SAYSD1: variants seen among roughly 807,000 people sequenced by gnomAD.
SAYSD1 encodes the protein SAYSvFN domain-containing protein 1.
In SAYSD1, 15 loss-of-function variants were observed where a neutral mutation model predicts 14.5. The observed-to-expected ratio is 1.03, with a 90% CI of 0.69 to 1.59. SAYSD1 has a LOEUF of 1.59. Ranked by LOEUF, SAYSD1 falls within the 40% of genes most tolerant of loss-of-function variation. The probability of loss-of-function intolerance (pLI) is 0.00; values close to 1 mark genes in which losing one functional copy is unlikely to be tolerated. For missense variants in SAYSD1, 247 were observed against 227.3 expected, an observed-to-expected ratio of 1.09 and a Z score of -0.56; for synonymous variants, 105 against 102.6, an observed-to-expected ratio of 1.02 and a Z score of -0.14.
At chr6:39,109,563 T>G (rs966415571) in intron 1 of SAYSD1, 1 of 1,426,306 alleles carries the variant, frequency 7.0e-7, no homozygotes, top group African/African-American at 1.4e-5. Flanking sequence ...GTTTAGTTAT[T>G]TTGATGGCCA....
chr6:39,114,684 C>G (rs1220557553), intron 1 of SAYSD1, among the ~76,000 whole-genome samples, 199 bp downstream of exon 1: 1 of 152,230 alleles, frequency 6.6e-6, no homozygotes, highest in Non-Finnish European at 1.5e-5. Context: ...CTGCGTGGGT[C>G]GCGGGCTGGA....
Position 39,105,374 on chromosome 6 carries a change from T to C in SAYSD1, c.*58A>G, listed in dbSNP as rs1769476305. 2 of 1,465,908 alleles carry C rather than the reference T, an allele frequency of 1.4e-6. No individual in the cohort carries two copies. Among genetic ancestry groups the C allele is most frequent in the East Asian group, 2.3e-5 (1 of 43,988 alleles). 90.8% of individuals were successfully genotyped at this position (1,465,908 alleles called of 1,614,324 possible). ...TCCTATACACCTGAAATCAAATCCA[T>C]AGCCAATGGTGAGGAAGACCACATC... is the stretch of plus-strand genomic sequence containing the variant. On this transcript the variant is annotated 3_prime_UTR_variant, in exon 2 of 2. Coordinates refer to ENST00000229903, the MANE Select transcript of SAYSD1 (RefSeq NM_018322.3).
At chr6:39,111,004 T>G (rs1477307643) in intron 1 of SAYSD1, 6 of 152,172 alleles carry the variant, frequency 3.9e-5, no homozygotes, top group Admixed American at 3.9e-4. Flanking sequence ...TGCAAAAGAT[T>G]CTGGGAGTTC....
At chr6:39,108,189 C>T (rs975718564) in intron 1 of SAYSD1, among the ~76,000 whole-genome samples, 10 of 152,108 alleles carry the variant, frequency 6.6e-5, no homozygotes, top group African/African-American at 2.2e-4. Flanking sequence ...TACTGAGAGC[C>T]TTCCAATGTA....
rs767947847 is a variant in SAYSD1 at position 39,114,910 on chromosome 6, A to T, written c.180T>A (p.Ser60Arg). ...RFLVWKPRPA[S>R]ARAQPGLVQE... is the part of the protein sequence containing the mutation. ...GAACTAGGCCGGGCTGGGCCCGGGC[A>T]CTCGCGGGCCTAGGTTTCCATACCA... Residue 60 changes from serine to arginine, a missense_variant, in exon 1 of 2, where the codon AGT (serine) becomes AGA (arginine). Ser to Arg is a moderately radical substitution (Grantham distance 110). Transcript: ENST00000229903. The T allele has an allele frequency of 9.9e-6, 16 of 1,612,534 alleles. No homozygotes were observed. The highest frequency in any genetic ancestry group is 8.8e-5 in the South Asian group (8 of 91,052).
rs183464 is a variant in SAYSD1 at position 39,105,276 on chromosome 6, T to C, written c.*156A>G. ...TTCACCAAAACTATCAAAGATCAAA[T>C]GGCAGCAAAAGATCAGGGAAAGAAG... On this transcript the variant is annotated 3_prime_UTR_variant, in exon 2 of 2. Coordinates refer to ENST00000229903, the MANE Select transcript of SAYSD1 (RefSeq NM_018322.3). 0.024 allele frequency: 15,189 copies of C among 631,464 alleles called. 406 individuals are homozygous for C. Among genetic ancestry groups the C allele is most frequent in the East Asian group, 0.1 (3,865 of 36,836 alleles). 39.1% of individuals were successfully genotyped at this position (631,464 alleles called of 1,614,324 possible). A position where few individuals can be genotyped will look rare whatever the true frequency, so the allele number is the denominator to read the frequency against.
chr6:39,105,795 CA>C lies in SAYSD1; in HGVS notation c.208-20del, dbSNP rs765977837. The C allele has an allele frequency of 1.2e-6, 2 of 1,602,776 alleles. No individual in the cohort carries two copies. The highest frequency in any genetic ancestry group is 8.5e-7 in the Non-Finnish European group (1 of 1,173,344). On this transcript the variant is annotated intron_variant, in intron 1 of 1. Transcript: ENST00000229903. ...CCGCTTCCTAGGATACACAAACAAACAAAAGAAAGAATAAAGGGTAATGGAG... is the reference window on the plus strand; with the variant it reads ...CCGCTTCCTAGGATACACAAACAAACAAAGAAAGAATAAAGGGTAATGGAG...
rs1479261632 is a variant in SAYSD1, at chr6:39,115,063, C to G, written c.27G>C (p.Arg9=). 2.5e-6 allele frequency: 4 copies of G among 1,609,548 alleles called. No individual in the cohort carries two copies. The highest frequency in any genetic ancestry group is 3.4e-6 in the Non-Finnish European group (4 of 1,179,786). Residue 9 remains arginine (R), a synonymous_variant, in exon 1 of 2, where the codon CGG becomes CGC. Transcript: ENST00000229903. ...CCAGACCCGCCCGTTTCCGCGCCGCCCGAAACTCAGCTAACCGCTGTTCCA... is the reference window on the plus strand; with the variant it reads ...CCAGACCCGCCCGTTTCCGCGCCGCGCGAAACTCAGCTAACCGCTGTTCCA... MEQRLAEF[R]AARKRAGLAA...
At chr6:39,113,498 A>G (rs1234449783) in intron 1 of SAYSD1, 1 of 152,652 alleles carries the variant, frequency 6.6e-6, no homozygotes, top group Non-Finnish European at 1.5e-5. Flanking sequence ...AATGAAAATG[A>G]GCTTAAGGCA....
intron 1 of SAYSD1, chr6:39,109,288 T>A: frequency 6.5e-7 from 1 of 1,546,950 alleles, no homozygotes; most frequent in South Asian, 1.2e-5. Flanking sequence ...AAGCAGGAGG[T>A]TTCTGTAGGA....
intron 1 of SAYSD1, chr6:39,110,724 T>C (rs141193904): frequency 1.3e-5 from 2 of 152,320 alleles, no homozygotes; most frequent in East Asian, 1.9e-4. Flanking sequence ...CAAATGTACA[T>C]GCTGTTGATA....
chr6:39,112,697 C>T (rs1334709497), intron 1 of SAYSD1: 3 of 152,326 alleles, frequency 2.0e-5, no homozygotes, highest in South Asian at 2.1e-4. Context: ...GAGAGAATAT[C>T]TCAACTACAA....
intron 1 of SAYSD1, among the ~76,000 whole-genome samples, chr6:39,114,604 A>G (rs999644239): frequency 1.2e-4 from 18 of 152,384 alleles, no homozygotes; most frequent in African/African-American, 4.3e-4. Context: ...CGATAACTCA[A>G]TTCGGAGTGA....
intron 1 of SAYSD1, among the ~76,000 whole-genome samples, chr6:39,114,282 T>C (rs907676840): frequency 6.6e-6 from 1 of 152,252 alleles, no homozygotes; most frequent in African/African-American, 2.4e-5. Flanking sequence ...AACAATTAAA[T>C]GTGAAAAGGT....
intron 1 of SAYSD1, among the ~76,000 whole-genome samples, chr6:39,114,091 G>T (rs768737532): frequency 2.0e-5 from 3 of 152,162 alleles, no homozygotes; most frequent in Admixed American, 6.5e-5. Context: ...GCACTTATGA[G>T]GAACAAAGCA....
chr6:39,114,516 C>T (rs895503103), intron 1 of SAYSD1, among the ~76,000 whole-genome samples: 4 of 152,232 alleles, frequency 2.6e-5, no homozygotes, highest in African/African-American at 9.6e-5. Flanking sequence ...TCCAATTAGA[C>T]CTTTTACCCT....
chr6:39,105,770 C>A lies in SAYSD1; in HGVS notation c.214G>T (p.Ala72Ser). 6.2e-7 allele frequency: 1 copy of A among 1,612,974 alleles called. No individual in the cohort carries two copies. Among genetic ancestry groups the A allele is most frequent in the South Asian group, 1.1e-5 (1 of 91,008 alleles). The stretch of plus-strand genomic sequence containing the variant: ...TCTGATGTGCTGCCCTGGGGCTGAG[C>A]CGCTTCCTAGGATACACAAACAAAC... ...RAQPGLVQEA[A>S]QPQGSTSETP... Residue 72 changes from alanine to serine, a missense_variant, in exon 2 of 2, where the codon GCT becomes TCT. Physicochemically the swap from Ala to Ser is moderately conservative, Grantham distance 99. Coordinates refer to ENST00000229903, the MANE Select transcript of SAYSD1 (RefSeq NM_018322.3).
intron 1 of SAYSD1, chr6:39,112,023 T>C (rs1388020594): frequency 2.0e-5 from 3 of 151,966 alleles, no homozygotes; most frequent in African/African-American, 7.3e-5. Context: ...AAGAACAGCT[T>C]AAACTGACTA....
intron 1 of SAYSD1, 64 bp from the exon 2 acceptor site, chr6:39,105,840 A>C: frequency 1.4e-6 from 2 of 1,460,402 alleles, no homozygotes; most frequent in Non-Finnish European, 1.9e-6. Context: ...ATCAAAACTA[A>C]TCTGAAAAGG....
Sources: allele counts gnomAD v4.1 joint callset (sites outside exome capture counted in the v4.1 genomes callset), GRCh38; gene constraint gnomAD v4.1.1; transcripts MANE v1.5; gene names NCBI Gene and HGNC (gene_info 2026-07-23, HGNC 2026-07-21).